The following C9orf152 variants were observed in gnomAD, a reference collection of about 807,000 sequenced individuals.
C9orf152 encodes uncharacterized protein C9orf152.
A neutral mutation model predicts 8.5 loss-of-function variants in C9orf152; 8 were observed. The ratio of observed to expected loss-of-function variants is 0.94; its 90% confidence interval spans 0.55 to 1.70. The LOEUF (loss-of-function observed/expected upper bound fraction) is 1.70. Among genes scored for constraint, C9orf152 ranks in the 40% most tolerant of loss-of-function variants. The pLI, the probability that C9orf152 is intolerant of heterozygous loss-of-function variation, is 0.00. For synonymous variants in C9orf152, 109 were observed against 113.0 expected, an observed-to-expected ratio of 0.96 and a Z score of 0.22; for missense variants, 293 against 286.2, an observed-to-expected ratio of 1.02 and a Z score of -0.17.
chr9:110,203,366 G>C (rs1341496756), intron 1 of C9orf152, among the ~76,000 whole-genome samples: 2 of 152,136 alleles, frequency 1.3e-5, no homozygotes, highest in African/African-American at 4.8e-5. Flanking sequence ...GTACTTATTT[G>C]AGAACAAGGA....
chr9:110,200,219 G>GA lies in C9orf152; in HGVS notation c.*728_*729insT, dbSNP rs767931124. On this transcript the variant is annotated 3_prime_UTR_variant, in exon 2 of 2. Coordinates refer to ENST00000400613, the MANE Select transcript of C9orf152 (RefSeq NM_001012993.3). Reference sequence around the variant, plus strand: ...GGGAGGGAGGGAGAGACAGAAGGAAGGAAGGAAGGAAGGAAGGAAGGAAGG... The same window carrying GA: ...GGGAGGGAGGGAGAGACAGAAGGAAGAGAAGGAAGGAAGGAAGGAAGGAAGG... 4.4e-5 allele frequency: 4 copies of GA among 90,680 alleles called. No homozygotes were observed. Among genetic ancestry groups the GA allele is most frequent in the African/African-American group, 2.5e-4 (4 of 15,780 alleles). 5.6% of individuals were successfully genotyped at this position (90,680 alleles called of 1,614,324 possible).
At chr9:110,203,161 A>G (rs1330703389) in intron 1 of C9orf152, among the ~76,000 whole-genome samples, 3 of 151,782 alleles carry the variant, frequency 2.0e-5, no homozygotes, top group Non-Finnish European at 4.4e-5. Flanking sequence ...AGCTGGGTCT[A>G]TAGGTGCCAG....
chr9:110,206,757 A>C (rs1038074590), intron 1 of C9orf152, among the ~76,000 whole-genome samples: 1 of 152,134 alleles, frequency 6.6e-6, no homozygotes. Flanking sequence ...CTTCTCCCTC[A>C]ACCTGTTCCT....
chr9:110,201,240 TTG>T lies in C9orf152; in HGVS notation c.426_427del (p.Lys143AlafsTer5). The T allele has an allele frequency of 6.2e-7, 1 of 1,614,108 alleles. No individual in the cohort carries two copies. Among genetic ancestry groups the T allele is most frequent in the Non-Finnish European group, 8.5e-7 (1 of 1,180,006 alleles). The stretch of plus-strand genomic sequence containing the variant: ...GAGCCTTTGATCAGATCCCACAAGC[TTG>T]CCCCTATGATGTACTTGATGACTGG... On this transcript the variant is annotated frameshift_variant, in exon 2 of 2. Transcript: ENST00000400613. LOFTEE classifies it low-confidence loss of function (END_TRUNC).
chr9:110,204,160 G>A (rs1035219815), intron 1 of C9orf152, among the ~76,000 whole-genome samples: 5 of 152,138 alleles, frequency 3.3e-5, no homozygotes, highest in African/African-American at 1.2e-4. Flanking sequence ...TTTTCTACAT[G>A]AGGCGAGTCA....
rs780906731 is a variant in C9orf152, at chr9:110,200,054, A to G, written c.*894T>C. ...TGCCTCTTTTGTTCAGGATCTCATC[A>G]TTATATATCGTCAATGATTGGCAGT... On this transcript the variant is annotated 3_prime_UTR_variant, in exon 2 of 2. Coordinates refer to ENST00000400613, the MANE Select transcript of C9orf152 (RefSeq NM_001012993.3). 3 of 152,144 alleles carry G rather than the reference A, an allele frequency of 2.0e-5. No individual in the cohort carries two copies. In the East Asian group the frequency reaches 5.8e-4, roughly 29 times the overall value. 9.4% of individuals were successfully genotyped at this position (152,144 alleles called of 1,614,324 possible).
At chr9:110,206,469 A>T (rs1837275401) in intron 1 of C9orf152, among the ~76,000 whole-genome samples, 1 of 152,224 alleles carries the variant, frequency 6.6e-6, no homozygotes, top group Non-Finnish European at 1.5e-5. Flanking sequence ...CCCTGCAGAG[A>T]TGGTGACTGT....
chr9:110,199,955 C>A lies in C9orf152; in HGVS notation c.*993G>T, dbSNP rs1210497434. ...AAATATATTTGATCCCAGGAAGGAT[C>A]TGAGTGATCTAAGTTGGACTAAACA... is the stretch of plus-strand genomic sequence containing the variant. On this transcript the variant is annotated 3_prime_UTR_variant, in exon 2 of 2. Transcript: ENST00000400613. The A allele has an allele frequency of 6.6e-6, 1 of 152,212 alleles. No individual in the cohort carries two copies. The highest frequency in any genetic ancestry group is 1.5e-5 in the Non-Finnish European group (1 of 68,030). The allele number at this position is 152,212 out of a possible 1,614,324, so 9.4% of individuals were successfully genotyped here.
rs1837292763 is a variant in C9orf152, at chr9:110,207,661, AAGG to A, written c.-85_-83del. 1 of 1,099,858 alleles carries A rather than the reference AAGG, an allele frequency of 9.1e-7. No homozygotes were observed. The highest frequency in any genetic ancestry group is 2.8e-5 in the East Asian group (1 of 35,118). The allele number at this position is 1,099,858 out of a possible 1,614,324, so 68.1% of individuals were successfully genotyped here. ...AGAGAGGGAGGGGGCAGTGAGGGAG[AAGG>A]AGAAGTGACGGGCAAAAGGAGGGTG... On this transcript the variant is annotated 5_prime_UTR_variant, in exon 1 of 2. Transcript: ENST00000400613.
At chr9:110,203,780 C>G (rs1290253367) in intron 1 of C9orf152, among the ~76,000 whole-genome samples, 1 of 152,156 alleles carries the variant, frequency 6.6e-6, no homozygotes, top group Admixed American at 6.5e-5. Context: ...ATTCACTTTG[C>G]CAGAAGATAC....
rs1013187463 is a variant in C9orf152, at chr9:110,199,623, A to G, written c.*1325T>C. ...AAAAAACAACTGAATTGTATTAATT[A>G]TTCACAAAAGGAATGACAATCCCCA... On this transcript the variant is annotated 3_prime_UTR_variant, in exon 2 of 2. Coordinates refer to ENST00000400613, the MANE Select transcript of C9orf152 (RefSeq NM_001012993.3). The G allele has an allele frequency of 6.6e-6, 1 of 152,236 alleles. No individual in the cohort carries two copies. The highest frequency in any genetic ancestry group is 2.4e-5 in the African/African-American group (1 of 41,458). The allele number at this position is 152,236 out of a possible 1,614,324, so 9.4% of individuals were successfully genotyped here.
intron 1 of C9orf152, 83 bp downstream of exon 1, chr9:110,207,304 G>A: frequency 1.3e-6 from 2 of 1,492,238 alleles, no homozygotes; most frequent in Non-Finnish European, 9.2e-7. Context: ...GGCTGGCAAA[G>A]CCCTGGCTCT....
intron 1 of C9orf152, among the ~76,000 whole-genome samples, chr9:110,205,586 G>C (rs1837265167): frequency 6.6e-6 from 1 of 152,072 alleles, no homozygotes; most frequent in African/African-American, 2.4e-5. Context: ...CCTATGATTT[G>C]GGTACTACAG....
intron 1 of C9orf152, among the ~76,000 whole-genome samples, chr9:110,207,122 G>A (rs1390215635): frequency 6.6e-6 from 1 of 152,224 alleles, no homozygotes; most frequent in African/African-American, 2.4e-5. Flanking sequence ...GGGGGGCCAA[G>A]CCTGGCTCAC....
At position 110,205,820 on chromosome 9, in the gene C9orf152, G is replaced by A. The variant is rs756158176; in HGVS notation, c.193+1567C>T. ...TTCACGCCCAGCACTTTTGAAGGTC[G>A]AGGTGGGTGGATCACCTGAGGTCAG... On this transcript the variant is annotated intron_variant, in intron 1 of 1. Coordinates refer to ENST00000400613, the MANE Select transcript of C9orf152 (RefSeq NM_001012993.3). 5.3e-5 allele frequency among the ~76,000 whole-genome samples: 8 copies of A among 152,238 alleles called. No homozygotes were observed. The East Asian group carries it at 5.8e-4, about 11-fold the overall frequency.
At chr9:110,203,020 T>G (rs1424517884) in intron 1 of C9orf152, among the ~76,000 whole-genome samples, 1 of 147,778 alleles carries the variant, frequency 6.8e-6, no homozygotes, top group East Asian at 2.0e-4. Context: ...ACTTTTTTTT[T>G]TTTTTTTTTT....
At chr9:110,201,527 C>G in intron 1 of C9orf152, 53 bp from the exon 2 acceptor site, 1 of 1,447,912 alleles carries the variant, frequency 6.9e-7, no homozygotes, top group Non-Finnish European at 9.2e-7. Flanking sequence ...AGGGGCGGCT[C>G]TCACTTAGGG....
intron 1 of C9orf152, among the ~76,000 whole-genome samples, chr9:110,201,688 A>C (rs1281732111): frequency 6.6e-6 from 1 of 152,100 alleles, no homozygotes; most frequent in Non-Finnish European, 1.5e-5. Flanking sequence ...CACACACACA[A>C]TTATTCATTC....
chr9:110,206,584 TC>T (rs1247839475), intron 1 of C9orf152, among the ~76,000 whole-genome samples: 2 of 152,110 alleles, frequency 1.3e-5, no homozygotes, highest in Non-Finnish European at 2.9e-5. Flanking sequence ...CCACTTTTGT[TC>T]CCAAAAGGCA....
Sources: gnomAD v4.1 joint callset for allele counts (sites outside exome capture counted in the v4.1 genomes callset) on GRCh38, gnomAD v4.1.1 for gene constraint, MANE v1.5 for transcripts, NCBI Gene and HGNC (gene_info 2026-07-23, HGNC 2026-07-21) for gene names.